Variants in PRPF18 observed in about 807,000 individuals in gnomAD.
PRPF18 encodes pre-mRNA processing factor 18, also known as pre-mRNA-splicing factor 18.
A neutral mutation model predicts 46.5 loss-of-function variants in PRPF18; 38 were observed. The observed-to-expected ratio is 0.82, with a 90% CI of 0.63 to 1.07. The LOEUF is 1.07. Among genes scored for constraint, PRPF18 ranks in the 50% least tolerant of loss-of-function variants. The probability of loss-of-function intolerance (pLI) is 0.00; values close to 1 mark genes in which losing one functional copy is unlikely to be tolerated. For missense variants in PRPF18, 263 were observed against 410.0 expected, an observed-to-expected ratio of 0.64 and a Z score of 3.10; for synonymous variants, 152 against 146.7, an observed-to-expected ratio of 1.04 and a Z score of -0.26.
chr10:13,586,982 T>C lies in PRPF18; in HGVS notation c.-105T>C, dbSNP rs1163124662. 2 of 1,174,762 alleles carry C rather than the reference T, an allele frequency of 1.7e-6. No homozygotes were observed. Among genetic ancestry groups the C allele is most frequent in the Non-Finnish European group, 2.6e-6 (2 of 782,302 alleles). 72.8% of individuals were successfully genotyped at this position (1,174,762 alleles called of 1,614,324 possible). Reference sequence around the variant, plus strand: ...CTCCTGTCAGTTGTTCTCAGGTGTTTGGGCTTGTTGTTCCGTATACTCAGT... The same window carrying C: ...CTCCTGTCAGTTGTTCTCAGGTGTTCGGGCTTGTTGTTCCGTATACTCAGT... On this transcript the variant is annotated 5_prime_UTR_variant, in exon 1 of 10. Transcript: ENST00000378572.
downstream of PRPF18, among the ~76,000 whole-genome samples, chr10:13,634,080 G>A (rs374289070): frequency 2.4e-3 from 358 of 152,260 alleles, 2 homozygotes; most frequent in South Asian, 0.017. Flanking sequence ...GGCCAGCCGC[G>A]CAGCTATGGT....
chr10:13,654,719 A>AT, the PRPF18 span: 1 of 572,142 alleles, frequency 1.7e-6, no homozygotes, highest in African/African-American at 1.9e-5. Context: ...CAACCTCTGC[A>AT]TCCCACCCAT....
At chr10:13,592,776 G>A (rs900865812) in intron 1 of PRPF18, among the ~76,000 whole-genome samples, 2 of 152,174 alleles carry the variant, frequency 1.3e-5, no homozygotes, top group African/African-American at 2.4e-5. Context: ...TTTACTAGTT[G>A]TAGTTATGAG....
intron 1 of PRPF18, 72 bp from the exon 2 acceptor site, chr10:13,597,386 G>A: frequency 3.0e-6 from 3 of 1,012,604 alleles, no homozygotes; most frequent in Non-Finnish European, 4.3e-6. Flanking sequence ...TTTTCTAAAG[G>A]TATTTGTTGA....
intron 3 of PRPF18, among the ~76,000 whole-genome samples, chr10:13,605,401 G>T (rs2080168013): frequency 6.6e-6 from 1 of 151,992 alleles, no homozygotes; most frequent in South Asian, 2.1e-4. Context: ...GGCCAACATG[G>T]TGAAACCCCA....
chr10:13,615,532 A>G (rs1036236681), intron 8 of PRPF18, among the ~76,000 whole-genome samples: 2 of 152,140 alleles, frequency 1.3e-5, no homozygotes, highest in African/African-American at 2.4e-5. Flanking sequence ...TCTTCCAGCT[A>G]CCCTATCTGT....
At position 13,597,427 on chromosome 10, in the gene PRPF18, T is replaced by C. The variant is rs760534639; in HGVS notation, c.67-31T>C. 4 of 1,477,580 alleles carry C rather than the reference T, an allele frequency of 2.7e-6. 1 individual carries two copies. In the South Asian group the frequency reaches 5.0e-5, roughly 18 times the overall value. The allele number at this position is 1,477,580 out of a possible 1,614,324, so 91.5% of individuals were successfully genotyped here. A position where few individuals can be genotyped will look rare whatever the true frequency, so the allele number is the denominator to read the frequency against. On this transcript the variant is annotated intron_variant, in intron 1 of 9. Coordinates refer to ENST00000378572, the MANE Select transcript of PRPF18 (RefSeq NM_003675.4). ...GGACATGAAATTTTGCTCAAGGATA[T>C]ATTATTGACATAATTTATTTTCTTT...
intron 2 of PRPF18, among the ~76,000 whole-genome samples, chr10:13,598,764 T>C (rs1426522767): frequency 6.6e-6 from 1 of 152,204 alleles, no homozygotes; most frequent in Non-Finnish European, 1.5e-5. Flanking sequence ...TGCCCAGTGT[T>C]GTCTAACACA....
chr10:13,620,338 C>T (rs1381383200), intron 9 of PRPF18, among the ~76,000 whole-genome samples: 1 of 152,112 alleles, frequency 6.6e-6, no homozygotes, highest in African/African-American at 2.4e-5. Context: ...ATGAACGAAC[C>T]CAAAACCTTT....
chr10:13,601,491 C>T (rs72767542), intron 3 of PRPF18, among the ~76,000 whole-genome samples: 25,075 of 152,160 alleles, frequency 0.16, 2,339 homozygotes, highest in Middle Eastern at 0.24. Flanking sequence ...CGTTTCCTCC[C>T]ACTCCCCCTG....
Position 13,613,686 on chromosome 10 carries a change from A to G in PRPF18, c.580-55A>G, listed in dbSNP as rs2080302488. The G allele has an allele frequency of 1.6e-5, 25 of 1,554,104 alleles. 1 individual carries two copies. In the South Asian group the frequency reaches 2.8e-4, roughly 17 times the overall value. ...TTTTTGTGTGCTAGAGAGCATTTAG[A>G]TGTACTGAACCACTGGGTGGCATTG... On this transcript the variant is annotated intron_variant, in intron 6 of 9. Transcript: ENST00000378572.
the PRPF18 span, chr10:13,652,742 G>T: frequency 0.054 from 8,258 of 152,302 alleles, 356 homozygotes; most frequent in Non-Finnish European, 0.073. Context: ...GGATCGTTCA[G>T]TGGTTGTCAA....
At chr10:13,633,110 G>A (rs541638376), downstream of PRPF18, among the ~76,000 whole-genome samples, 2 of 152,318 alleles carry the variant, frequency 1.3e-5, no homozygotes, top group African/African-American at 4.8e-5. Context: ...TTCAGTCTTT[G>A]GGGGACAATT....
At chr10:13,607,237 G>A (rs971886016) in intron 4 of PRPF18, among the ~76,000 whole-genome samples, 2 of 152,006 alleles carry the variant, frequency 1.3e-5, no homozygotes, top group South Asian at 2.1e-4. Context: ...GATTACAGGC[G>A]CTTTTTGTTC....
At chr10:13,613,166 C>T (rs902032026) in intron 6 of PRPF18, among the ~76,000 whole-genome samples, 2 of 152,078 alleles carry the variant, frequency 1.3e-5, no homozygotes, top group African/African-American at 4.8e-5. Flanking sequence ...CAACATCCTC[C>T]TCAGCCTTCT....
chr10:13,603,272 T>A (rs2133427717), intron 3 of PRPF18, among the ~76,000 whole-genome samples: 1 of 152,196 alleles, frequency 6.6e-6, no homozygotes, highest in East Asian at 1.9e-4. Flanking sequence ...GTCCCTTTAG[T>A]CTCTGTGTCA....
At chr10:13,592,901 A>G (rs993566778) in intron 1 of PRPF18, among the ~76,000 whole-genome samples, 11 of 152,264 alleles carry the variant, frequency 7.2e-5, no homozygotes, top group Non-Finnish European at 1.5e-4. Flanking sequence ...TCAAAACAGC[A>G]TAGCGCTGGC....
chr10:13,637,413 C>A, the PRPF18 span, among the ~76,000 whole-genome samples: 1 of 152,152 alleles, frequency 6.6e-6, no homozygotes, highest in African/African-American at 2.4e-5. Context: ...ATTTGCATTT[C>A]TCTAATGGCT....
chr10:13,614,415 C>T (rs916771295), intron 8 of PRPF18, among the ~76,000 whole-genome samples: 4 of 152,166 alleles, frequency 2.6e-5, no homozygotes, highest in African/African-American at 4.8e-5. Flanking sequence ...CTGATTATGT[C>T]TTGGAACAAA....
Sources: gnomAD v4.1 joint callset for allele counts (sites outside exome capture counted in the v4.1 genomes callset) on GRCh38, gnomAD v4.1.1 for gene constraint, MANE v1.5 for transcripts, NCBI Gene and HGNC (gene_info 2026-07-23, HGNC 2026-07-21) for gene names.